ATP1B3: variants seen among roughly 807,000 people sequenced by gnomAD.
The protein encoded by ATP1B3 is ATPase Na+/K+ transporting subunit beta 3, also known as sodium/potassium-transporting ATPase subunit beta-3.
In ATP1B3, 10 loss-of-function variants were observed where a neutral mutation model predicts 30.2. The ratio of observed to expected loss-of-function variants is 0.33; its 90% CI spans 0.20 to 0.56. The LOEUF (loss-of-function observed/expected upper bound fraction) is 0.56. ATP1B3 is among the 20% of genes least tolerant of loss of function. The pLI is 0.90. For missense variants in ATP1B3, 238 were observed against 336.7 expected (o/e 0.71, Z 2.29); for synonymous variants, 113 against 117.0 (o/e 0.97, Z 0.22).
At chr3:141,925,472 A>C in intron 6 of ATP1B3, 59 bp from the exon 7 acceptor site, 7 of 1,515,194 alleles carry the variant, frequency 4.6e-6, no homozygotes, top group Non-Finnish European at 6.2e-6. Context: ...AATTCCTGGT[A>C]GAGAGAAGTA....
chr3:141,885,918 CACA>C (rs1054164666), intron 1 of ATP1B3, among the ~76,000 whole-genome samples: 3 of 150,568 alleles, frequency 2.0e-5, no homozygotes, highest in African/African-American at 7.4e-5. Context: ...CACACACACA[CACA>C]CACCCCTGTA....
chr3:141,913,191 C>T (rs998021812), intron 3 of ATP1B3, among the ~76,000 whole-genome samples: 1 of 151,902 alleles, frequency 6.6e-6, no homozygotes, highest in African/African-American at 2.4e-5. Context: ...CTGCATTCAG[C>T]TCAGTTGCTT....
intron 1 of ATP1B3, among the ~76,000 whole-genome samples, chr3:141,892,169 C>T (rs989515094): frequency 6.6e-6 from 1 of 152,020 alleles, no homozygotes; most frequent in Non-Finnish European, 1.5e-5. Context: ...TCATTTGAAG[C>T]CACTTAGCAT....
At chr3:141,891,911 T>C (rs116116596) in intron 1 of ATP1B3, among the ~76,000 whole-genome samples, 4,688 of 151,994 alleles carry the variant, frequency 0.031, 244 homozygotes, top group African/African-American at 0.11. Context: ...TTTAATGTTT[T>C]TTAGTTTTGA....
At chr3:141,900,559 C>T (rs1259488532) in intron 1 of ATP1B3, among the ~76,000 whole-genome samples, 1 of 152,138 alleles carries the variant, frequency 6.6e-6, no homozygotes, top group Non-Finnish European at 1.5e-5. Flanking sequence ...GTGGAAACCT[C>T]CTGTATTAGT....
At position 141,884,032 on chromosome 3, in the gene ATP1B3, C is replaced by T. The variant is rs568476002; in HGVS notation, c.109+7122C>T. Among the ~76,000 whole-genome samples the T allele has an allele frequency of 3.0e-4, 46 of 152,308 alleles. 1 individual carries two copies. Among genetic ancestry groups the T allele is most frequent in the East Asian group, 1.9e-4 (1 of 5,188 alleles). On this transcript the variant is annotated intron_variant, in intron 1 of 6. Coordinates refer to ENST00000286371, the MANE Select transcript of ATP1B3 (RefSeq NM_001679.4). ...TTATTGCTCTTTTCAGCTTCTTATA[C>T]TGCTTTTATGAGACCCTCATAAAGT...
At chr3:141,920,971 TAATGA>T (rs1245889914) in intron 5 of ATP1B3, among the ~76,000 whole-genome samples, 3 of 152,208 alleles carry the variant, frequency 2.0e-5, no homozygotes, top group Admixed American at 1.3e-4. Context: ...TGCTGCTTCA[TAATGA>T]AATGAAATGA....
At chr3:141,904,802 C>T (rs376342445) in intron 2 of ATP1B3, among the ~76,000 whole-genome samples, 20 of 146,606 alleles carry the variant, frequency 1.4e-4, no homozygotes, top group African/African-American at 4.1e-4. Flanking sequence ...CTCTGCCTCC[C>T]GGGTTCAAGC....
chr3:141,896,246 A>T (rs1559868006), intron 1 of ATP1B3, among the ~76,000 whole-genome samples: 1 of 151,996 alleles, frequency 6.6e-6, no homozygotes, highest in Non-Finnish European at 1.5e-5. Context: ...AGGCAGGAGG[A>T]TCACTTGAAG....
chr3:141,924,975 T>A (rs1344836632), intron 6 of ATP1B3, among the ~76,000 whole-genome samples: 1 of 151,066 alleles, frequency 6.6e-6, no homozygotes, highest in Non-Finnish European at 1.5e-5. Context: ...ATAATAATAA[T>A]GATAATAGGC....
chr3:141,880,318 A>G (rs1933698468), intron 1 of ATP1B3, among the ~76,000 whole-genome samples: 2 of 152,222 alleles, frequency 1.3e-5, no homozygotes, highest in South Asian at 4.1e-4. Flanking sequence ...GCTTATATAC[A>G]CATAAGTTAC....
rs1934627665 is a variant in ATP1B3, at chr3:141,924,858, CAGG to C, written c.670-670_670-668del. Among the ~76,000 whole-genome samples, 3 of 152,056 alleles carry C rather than the reference CAGG, an allele frequency of 2.0e-5. No homozygotes were observed. In the South Asian group the frequency reaches 6.2e-4, roughly 32 times the overall value. ...ATCCCACCTACTTGGGAGGTTGAGG[CAGG>C]AGAATCACTTGAACCCGGGAGTCAG... On this transcript the variant is annotated intron_variant, in intron 6 of 6. Coordinates refer to ENST00000286371, the MANE Select transcript of ATP1B3 (RefSeq NM_001679.4).
rs1362565945 is a variant in ATP1B3 at position 141,889,748 on chromosome 3, AAAAT to A, written c.109+12840_109+12843del. On this transcript the variant is annotated intron_variant, in intron 1 of 6. Transcript: ENST00000286371. ...CGTCTCAAAAAAAAAAAAAAAAAAA[AAAAT>A]ATATACACACACACACACACACACA... Among the ~76,000 whole-genome samples, 16 of 81,460 alleles carry A rather than the reference AAAAT, an allele frequency of 2.0e-4. 1 individual carries two copies. The highest frequency in any genetic ancestry group is 5.1e-5 in the African/African-American group (1 of 19,750). 53.4% of individuals were successfully genotyped at this position (81,460 alleles called of 152,430 possible). A position where few individuals can be genotyped will look rare whatever the true frequency, so the allele number is the denominator to read the frequency against.
At chr3:141,899,443 G>T (rs1044950321) in intron 1 of ATP1B3, among the ~76,000 whole-genome samples, 7 of 152,198 alleles carry the variant, frequency 4.6e-5, no homozygotes, top group Non-Finnish European at 1.0e-4. Context: ...CCTGAAGATA[G>T]CTAGAAAGTG....
At chr3:141,925,414 A>G (rs1368951509) in intron 6 of ATP1B3, 117 bp from the exon 7 acceptor site, 12 of 1,073,392 alleles carry the variant, frequency 1.1e-5, no homozygotes, top group Non-Finnish European at 1.6e-5. Flanking sequence ...GCACCACTGC[A>G]CTGCAGCCTG....
In ATP1B3 at chr3:141,903,740, C is replaced by G; in HGVS notation, c.230C>G (p.Pro77Arg). Residue 77 changes from proline to arginine, a missense_variant, in exon 2 of 7, where the codon CCT (proline) becomes CGT (arginine). This residue lies in a region of ATP1B3 where 130 missense variants were observed against 148.8 expected (regional missense o/e 0.87). Transcript: ENST00000286371. The part of the protein sequence containing the change: ...DEVPKYRDQI[P>R]SPGLMVFPKP... Reference sequence around the variant, plus strand: ...GTTCCAAAATACCGTGACCAGATTCCTAGCCCAGGTAATTATCTTGCAGTT... The same window carrying G: ...GTTCCAAAATACCGTGACCAGATTCGTAGCCCAGGTAATTATCTTGCAGTT... The G allele has an allele frequency of 6.2e-7, 1 of 1,613,742 alleles. No individual in the cohort carries two copies. The highest frequency in any genetic ancestry group is 1.1e-5 in the South Asian group (1 of 91,054).
chr3:141,882,335 T>C (rs966282990), intron 1 of ATP1B3, among the ~76,000 whole-genome samples: 1 of 152,186 alleles, frequency 6.6e-6, no homozygotes, highest in Non-Finnish European at 1.5e-5. Flanking sequence ...ATTAACATTT[T>C]ATGTCTTTTT....
chr3:141,883,595 G>A (rs80154005), intron 1 of ATP1B3, among the ~76,000 whole-genome samples: 1 of 152,170 alleles, frequency 6.6e-6, no homozygotes, highest in East Asian at 1.9e-4. Flanking sequence ...TGTTGTCATT[G>A]CCTATTTACT....
chr3:141,903,725 A>G lies in ATP1B3; in HGVS notation c.215A>G (p.Tyr72Cys). 6.2e-7 allele frequency: 1 copy of G among 1,613,778 alleles called. No homozygotes were observed. The highest frequency in any genetic ancestry group is 8.5e-7 in the Non-Finnish European group (1 of 1,179,902). ...LQTLNDEVPK[Y>C]RDQIPSPGLM... ...ACTCTCAACGATGAGGTTCCAAAAT[A>G]CCGTGACCAGATTCCTAGCCCAGGT... The change falls in exon 2 of 7, where the codon TAC (tyrosine) becomes TGC (cysteine). Residue 72 changes from tyrosine (Y) to cysteine (C), a missense_variant. By Grantham distance (194) the Tyr-to-Cys change is radical. Around this residue, in one of 3 missense-constraint regions of ATP1B3, gnomAD observed 130 missense variants for 148.8 expected, o/e 0.87. Coordinates refer to ENST00000286371, the MANE Select transcript of ATP1B3 (RefSeq NM_001679.4).
Sources: allele counts gnomAD v4.1 joint callset (sites outside exome capture counted in the v4.1 genomes callset), GRCh38; gene constraint gnomAD v4.1.1; regional missense constraint gnomAD v4.1.1; transcripts MANE v1.5; gene names NCBI Gene and HGNC (gene_info 2026-07-23, HGNC 2026-07-21).